Variants in AMHR2 observed in about 807,000 individuals in gnomAD.
AMHR2 encodes anti-Muellerian hormone type-2 receptor.
AMHR2 carries 36 observed loss-of-function variants against 61.4 expected under a neutral mutation model. That is an observed-to-expected ratio of 0.59 (90% CI 0.45 to 0.77). The LOEUF (loss-of-function observed/expected upper bound fraction) is 0.77, where lower values mean the gene tolerates loss of function less well. Ranked by LOEUF, AMHR2 falls within the 30% of genes least tolerant of loss-of-function variation. The pLI is 0.00. For synonymous variants in AMHR2, 258 were observed against 279.4 expected (o/e 0.92, Z 0.76); for missense variants, 638 against 714.6 (o/e 0.89, Z 1.22).
chr12:53,429,669 G>T (rs1441113049), intron 8 of AMHR2, 44 bp downstream of exon 8: 1 of 1,608,812 alleles, frequency 6.2e-7, no homozygotes, highest in Non-Finnish European at 8.5e-7. Context: ...TGATGTTGGT[G>T]CTGCTGATGG....
chr12:53,426,879 C>T (rs1048428011), intron 6 of AMHR2, among the ~76,000 whole-genome samples: 4 of 150,642 alleles, frequency 2.7e-5, no homozygotes, highest in African/African-American at 9.8e-5. Context: ...GACGGGGTTT[C>T]ACCATGTTGG....
Position 53,429,861 on chromosome 12 carries a change from C to A in AMHR2, c.1171C>A (p.Leu391Ile), listed in dbSNP as rs1939959754. The change falls in exon 9 of 11, where the codon CTC becomes ATC. Residue 391 changes from leucine to isoleucine, a missense_variant. Leu to Ile is a conservative substitution (Grantham distance 5). Transcript: ENST00000257863. The stretch of plus-strand genomic sequence containing the variant: ...CACCCAGAGGTACATGGCACCAGAG[C>A]TCTTGGACAAGACTCTGGACCTACA... ...AGTQRYMAPE[L>I]LDKTLDLQDW... 6.2e-7 allele frequency: 1 copy of A among 1,614,084 alleles called. No individual in the cohort carries two copies. The highest frequency in any genetic ancestry group is 1.3e-5 in the African/African-American group (1 of 74,928).
rs1939448372 is a variant in AMHR2, at chr12:53,425,190, G to A, written c.450G>A (p.Val150=). Residue 150 remains valine, a synonymous_variant, in exon 4 of 11, where the codon GTG becomes GTA. Coordinates refer to ENST00000257863, the MANE Select transcript of AMHR2 (RefSeq NM_020547.3). ...GTGAGTCCATCTGGATGGCACTGGT[G>A]CTGCTGGGGCTGTTCCTCCTCCTCC... ...APGESIWMAL[V]LLGLFLLLLL... 6.2e-7 allele frequency: 1 copy of A among 1,613,800 alleles called. No individual in the cohort carries two copies. Among genetic ancestry groups the A allele is most frequent in the East Asian group, 2.2e-5 (1 of 44,882 alleles).
intron 3 of AMHR2, 21 bp downstream of exon 3, chr12:53,424,921 A>G (rs1171321571): frequency 1.2e-6 from 2 of 1,605,746 alleles, no homozygotes; most frequent in Non-Finnish European, 1.7e-6. Flanking sequence ...AAGGGTACTG[A>G]AGCCTGATGG....
intron 7 of AMHR2, 139 bp from the exon 8 acceptor site, chr12:53,429,314 C>T (rs934592543): frequency 7.6e-6 from 7 of 920,346 alleles, no homozygotes; most frequent in Non-Finnish European, 1.0e-5. Context: ...ATCACTTGAA[C>T]CCGGGAGGCG....
chr12:53,424,598 T>G (rs1442708096), intron 2 of AMHR2, 111 bp from the exon 3 acceptor site: 1 of 1,537,696 alleles, frequency 6.5e-7, no homozygotes, highest in Non-Finnish European at 8.9e-7. Flanking sequence ...CCATGAGAGC[T>G]GGAAGGGACG....
At chr12:53,427,688 C>T (rs2136958442) in intron 6 of AMHR2, among the ~76,000 whole-genome samples, 1 of 152,308 alleles carries the variant, frequency 6.6e-6, no homozygotes, top group South Asian at 2.1e-4. Flanking sequence ...CAGGCGTGAG[C>T]CACCCCGCCC....
At chr12:53,429,128 C>T (rs1030440038) in intron 7 of AMHR2, 118 bp downstream of exon 7, 36 of 989,144 alleles carry the variant, frequency 3.6e-5, no homozygotes, top group Middle Eastern at 2.8e-4. Flanking sequence ...CACGGTGGCT[C>T]ACGCCTATAA....
Position 53,423,880 on chromosome 12 carries a change from G to A in AMHR2, c.-55G>A. 7 of 1,601,120 alleles carry A rather than the reference G, an allele frequency of 4.4e-6. No individual in the cohort carries two copies. The highest frequency in any genetic ancestry group is 2.2e-5 in the East Asian group (1 of 44,796). On this transcript the variant is annotated 5_prime_UTR_variant, in exon 1 of 11. Transcript: ENST00000257863. ...GTATCTGAAGAAAGATTTGGCCAGG[G>A]GCAGCTGTGCTGGCTTATGCTCTTC... is the stretch of plus-strand genomic sequence containing the variant.
At position 53,431,300 on chromosome 12, in the gene AMHR2, T is replaced by C. The variant is rs1476489281; in HGVS notation, c.1549T>C (p.Phe517Leu). ...ALAHPQESHPFPESCPRGCPP... is the reference protein window; with the variant it reads ...ALAHPQESHPLPESCPRGCPP... ...GGCCCATCCTCAAGAGAGCCACCCC[T>C]TTCCAGAGAGCTGTCCACGTGGCTG... Residue 517 changes from phenylalanine (F) to leucine (L), a missense_variant, in exon 11 of 11, where the codon TTT (phenylalanine) becomes CTT (leucine). Phe to Leu is a conservative substitution (Grantham distance 22). Transcript: ENST00000257863. 2 of 1,614,212 alleles carry C rather than the reference T, an allele frequency of 1.2e-6. No individual in the cohort carries two copies. The highest frequency in any genetic ancestry group is 1.7e-6 in the Non-Finnish European group (2 of 1,180,040).
At position 53,424,466 on chromosome 12, in the gene AMHR2, G is replaced by A. The variant is rs1289043295; in HGVS notation, c.228G>A (p.Met76Ile). The stretch of plus-strand genomic sequence containing the variant: ...CCCAAGACCGGGCACAGGTGGAAAT[G>A]CAAGGTGAATGGCAAAGTATATGGC... ...NLTQDRAQVE[M>I]QGCRDSDEPG... Residue 76 changes from methionine to isoleucine, a missense_variant, in exon 2 of 11, where the codon ATG becomes ATA. Physicochemically the swap from Met to Ile is conservative, Grantham distance 10. Coordinates refer to ENST00000257863, the MANE Select transcript of AMHR2 (RefSeq NM_020547.3). 7 of 1,612,816 alleles carry A rather than the reference G, an allele frequency of 4.3e-6. No individual in the cohort carries two copies. In the South Asian group the frequency reaches 7.7e-5, roughly 18 times the overall value.
chr12:53,430,374 C>T, intron 10 of AMHR2, 92 bp downstream of exon 10: 1 of 1,590,718 alleles, frequency 6.3e-7, no homozygotes, highest in Non-Finnish European at 8.6e-7. Context: ...CTGTCTACTC[C>T]TATCTCCACT....
At chr12:53,430,332 C>A (rs775862555) in intron 10 of AMHR2, 50 bp downstream of exon 10, 1 of 1,613,790 alleles carries the variant, frequency 6.2e-7, no homozygotes, top group Non-Finnish European at 8.5e-7. Context: ...GGGGGCTGGG[C>A]ATGGGCTTCA....
At position 53,424,479 on chromosome 12, in the gene AMHR2, C is replaced by A. The variant is rs1456945457; in HGVS notation, c.232+9C>A. 2 of 1,611,714 alleles carry A rather than the reference C, an allele frequency of 1.2e-6. No homozygotes were observed. The highest frequency in any genetic ancestry group is 2.2e-5 in the East Asian group (1 of 44,850). ...ACAGGTGGAAATGCAAGGTGAATGG[C>A]AAAGTATATGGCAGGTGATGGCTAG... is the stretch of plus-strand genomic sequence containing the variant. On this transcript the variant is annotated intron_variant, in intron 2 of 10. Coordinates refer to ENST00000257863, the MANE Select transcript of AMHR2 (RefSeq NM_020547.3).
At position 53,423,877 on chromosome 12, in the gene AMHR2, A is replaced by G; in HGVS notation, c.-58A>G. 1.3e-6 allele frequency: 2 copies of G among 1,595,600 alleles called. No homozygotes were observed. Among genetic ancestry groups the G allele is most frequent in the Non-Finnish European group, 1.7e-6 (2 of 1,163,940 alleles). ...CCTGTATCTGAAGAAAGATTTGGCCAGGGGCAGCTGTGCTGGCTTATGCTC... is the reference window on the plus strand; with the variant it reads ...CCTGTATCTGAAGAAAGATTTGGCCGGGGGCAGCTGTGCTGGCTTATGCTC... On this transcript the variant is annotated 5_prime_UTR_variant, in exon 1 of 11. Transcript: ENST00000257863.
In AMHR2 at chr12:53,425,451, C is replaced by T. The variant is rs1223069513; in HGVS notation, c.503-4C>T. ...CCTGACCCTAAGGCTCTTGTCTGTT[C>T]CAGCCCTGCTACAGCGAAAGAACTA... On this transcript the variant is annotated splice_region_variant and splice_polypyrimidine_tract_variant and intron_variant, in intron 4 of 10. Coordinates refer to ENST00000257863, the MANE Select transcript of AMHR2 (RefSeq NM_020547.3). 1 of 1,613,754 alleles carries T rather than the reference C, an allele frequency of 6.2e-7. No homozygotes were observed.
chr12:53,430,110 GACTA>G, intron 9 of AMHR2, 32 bp from the exon 10 acceptor site: 1 of 1,614,086 alleles, frequency 6.2e-7, no homozygotes, highest in Non-Finnish European at 8.5e-7. Context: ...GCACCCCTAG[GACTA>G]ACTGATACCC....
At chr12:53,431,091 G>C in intron 10 of AMHR2, 86 bp from the exon 11 acceptor site, 2 of 1,484,118 alleles carry the variant, frequency 1.3e-6, no homozygotes, top group South Asian at 2.3e-5. Flanking sequence ...GAAAGCAGGA[G>C]AGTGATGGAC....
In AMHR2 at chr12:53,429,892, GGGGCATGGCCCTCCGAC is replaced by G. The variant is rs761614098; in HGVS notation, c.1204_1220del (p.Gly402SerfsTer2). ...GACAAGACTCTGGACCTACAGGATTGGGGCATGGCCCTCCGACGAGCTGATATTTACTCTTTGGCTCT... is the reference window on the plus strand; with the variant it reads ...GACAAGACTCTGGACCTACAGGATTGGAGCTGATATTTACTCTTTGGCTCT... On this transcript the variant is annotated frameshift_variant, in exon 9 of 11. Coordinates refer to ENST00000257863, the MANE Select transcript of AMHR2 (RefSeq NM_020547.3). LOFTEE classifies it high-confidence loss of function. 1 of 1,614,208 alleles carries G rather than the reference GGGGCATGGCCCTCCGAC, an allele frequency of 6.2e-7. No homozygotes were observed. Among genetic ancestry groups the G allele is most frequent in the Non-Finnish European group, 8.5e-7 (1 of 1,180,046 alleles).
Sources: gnomAD v4.1 joint callset for allele counts (sites outside exome capture counted in the v4.1 genomes callset) on GRCh38, gnomAD v4.1.1 for gene constraint, MANE v1.5 for transcripts, NCBI Gene and HGNC (gene_info 2026-07-23, HGNC 2026-07-21) for gene names.